WDR35: variants seen among roughly 807,000 people sequenced by gnomAD.
The protein encoded by WDR35 is WD repeat domain 35, also known as WD repeat-containing protein 35.
WDR35 carries 118 observed loss-of-function variants against 158.3 expected under a neutral mutation model. That is an observed-to-expected ratio of 0.75 (90% CI 0.64 to 0.87). The LOEUF is 0.87. Ranked by LOEUF, WDR35 falls within the 40% of genes least tolerant of loss-of-function variation. WDR35 has a pLI of 0.00. For missense variants in WDR35, 1,263 were observed against 1,405.8 expected (o/e 0.90, Z 1.62); for synonymous variants, 448 against 476.1 (o/e 0.94, Z 0.77).
At chr2:19,915,294 AAAGTG>A (rs1305120846) in intron 25 of WDR35, among the ~76,000 whole-genome samples, 3 of 152,214 alleles carry the variant, frequency 2.0e-5, no homozygotes, top group Non-Finnish European at 4.4e-5. Flanking sequence ...TATTTACAAC[AAAGTG>A]TAGTAGAAAA....
chr2:19,989,779 G>A (rs755018224), intron 1 of WDR35, among the ~76,000 whole-genome samples: 18 of 152,232 alleles, frequency 1.2e-4, no homozygotes, highest in Non-Finnish European at 1.9e-4. Context: ...GAATGGGAGA[G>A]TGCTGCGAGA....
chr2:19,986,229 C>T (rs771897263), intron 2 of WDR35, among the ~76,000 whole-genome samples: 5 of 152,088 alleles, frequency 3.3e-5, no homozygotes, highest in East Asian at 1.9e-4. Context: ...ATCAAGAGTT[C>T]GGTTTTGAAC....
chr2:19,953,792 G>C, intron 12 of WDR35, 42 bp downstream of exon 12: 6 of 1,612,702 alleles, frequency 3.7e-6, no homozygotes, highest in Non-Finnish European at 4.2e-6. Context: ...ACTTCAATGT[G>C]ATATGGTTGA....
intron 19 of WDR35, 93 bp downstream of exon 19, chr2:19,937,650 T>C: frequency 2.0e-6 from 3 of 1,509,922 alleles, no homozygotes; most frequent in East Asian, 2.3e-5. Flanking sequence ...AGGAACCATA[T>C]GATACACCTA....
chr2:19,939,199 G>A lies in WDR35; in HGVS notation c.1927-798C>T, dbSNP rs146866432. On this transcript the variant is annotated intron_variant, in intron 17 of 26. Transcript: ENST00000281405. ...AGAACTTACGTAAGGAGAAAATGTA[G>A]TAAAAAGCCTGGCTAATAGCTTTGA... 7.4e-4 allele frequency among the ~76,000 whole-genome samples: 112 copies of A among 152,216 alleles called. 1 individual carries two copies. In the East Asian group the frequency reaches 0.017, roughly 24 times the overall value.
intron 5 of WDR35, among the ~76,000 whole-genome samples, chr2:19,978,090 C>T (rs1371016116): frequency 6.6e-6 from 1 of 152,112 alleles, no homozygotes; most frequent in East Asian, 1.9e-4. Flanking sequence ...CTCTCCTGAT[C>T]TAGGTCTGGT....
chr2:19,936,249 ATGGCATTGT>A lies in WDR35; in HGVS notation c.2375_2383del (p.Asn792_Ala794del), dbSNP rs771220566. ...TTGTCGATCAGCAAAGTAGTCTCCA[ATGGCATTGT>A]TGGCTTGTTCCAGGAGACTGTCATC... On this transcript the variant is annotated inframe_deletion, in exon 20 of 27. Transcript: ENST00000281405. 9 of 1,614,010 alleles carry A rather than the reference ATGGCATTGT, an allele frequency of 5.6e-6. No homozygotes were observed. The East Asian group carries it at 2.0e-4, about 36-fold the overall frequency.
intron 11 of WDR35, among the ~76,000 whole-genome samples, chr2:19,957,755 T>C (rs993291484): frequency 1.3e-5 from 2 of 151,994 alleles, no homozygotes; most frequent in Non-Finnish European, 2.9e-5. Context: ...GTTTTGCCAT[T>C]TTGGCCAGGC....
chr2:19,918,086 T>C (rs1572306616), intron 25 of WDR35, among the ~76,000 whole-genome samples: 1 of 152,184 alleles, frequency 6.6e-6, no homozygotes, highest in Admixed American at 6.5e-5. Flanking sequence ...GGGGCCAATA[T>C]TCAACATTCT....
At chr2:19,971,103 A>G (rs1672022771) in intron 8 of WDR35, among the ~76,000 whole-genome samples, 1 of 152,250 alleles carries the variant, frequency 6.6e-6, no homozygotes, top group African/African-American at 2.4e-5. Flanking sequence ...AATGAATACA[A>G]ACACTTTTTT....
In WDR35 at chr2:19,962,316, C is replaced by A. The variant is rs762190195; in HGVS notation, c.1195-1702G>T. 4.3e-6 allele frequency: 7 copies of A among 1,613,130 alleles called. No individual in the cohort carries two copies. In the Admixed American group the frequency reaches 1.2e-4, roughly 27 times the overall value. ...TTACCGTTGCACCAAATGTCTCCAT[C>A]TCGTTCTCCTCCTTTGAAGCAATAT... On this transcript the variant is annotated intron_variant, in intron 10 of 26. Coordinates refer to ENST00000281405, the MANE Select transcript of WDR35 (RefSeq NM_020779.4).
At chr2:19,986,954 T>C (rs1339082069) in intron 2 of WDR35, among the ~76,000 whole-genome samples, 1 of 152,226 alleles carries the variant, frequency 6.6e-6, no homozygotes, top group African/African-American at 2.4e-5. Flanking sequence ...TATGCAAAGA[T>C]TTGGATACAA....
At position 19,969,330 on chromosome 2, in the gene WDR35, T is replaced by C. The variant is rs567734148; in HGVS notation, c.1008+150A>G. 4.0e-6 allele frequency: 3 copies of C among 750,082 alleles called. No individual in the cohort carries two copies. In the Admixed American group the frequency reaches 8.7e-5, roughly 22 times the overall value. 46.5% of individuals were successfully genotyped at this position (750,082 alleles called of 1,614,324 possible). A position where few individuals can be genotyped will look rare whatever the true frequency, so the allele number is the denominator to read the frequency against. ...ATTTTACTAACTATATATAGTATTC[T>C]AGAAAAGTTTACTAGTTCTAAAATC... On this transcript the variant is annotated intron_variant, in intron 9 of 26. Coordinates refer to ENST00000281405, the MANE Select transcript of WDR35 (RefSeq NM_020779.4).
intron 2 of WDR35, among the ~76,000 whole-genome samples, chr2:19,986,043 G>C (rs1672556462): frequency 6.6e-6 from 1 of 152,124 alleles, no homozygotes; most frequent in African/African-American, 2.4e-5. Context: ...AGCTATAGAG[G>C]GAGCAGGGGA....
chr2:19,925,420 T>C (rs1670327779), intron 25 of WDR35, among the ~76,000 whole-genome samples: 1 of 152,188 alleles, frequency 6.6e-6, no homozygotes, highest in Non-Finnish European at 1.5e-5. Flanking sequence ...GCAAAGCAGC[T>C]TACTGGGTAA....
intron 13 of WDR35, among the ~76,000 whole-genome samples, chr2:19,948,643 T>C (rs1226837598): frequency 6.6e-6 from 1 of 152,154 alleles, no homozygotes; most frequent in Admixed American, 6.5e-5. Context: ...TGCAACAACC[T>C]GGACAAGTCT....
chr2:19,984,764 C>G (rs984344995), intron 2 of WDR35, among the ~76,000 whole-genome samples: 1 of 152,200 alleles, frequency 6.6e-6, no homozygotes, highest in Non-Finnish European at 1.5e-5. Context: ...GCGTGACTGC[C>G]AATGCTTTTG....
intron 16 of WDR35, 136 bp downstream of exon 16, chr2:19,945,650 T>C (rs1558337163): frequency 3.2e-6 from 3 of 950,020 alleles, no homozygotes; most frequent in South Asian, 1.5e-5. Context: ...AATGTTCCTA[T>C]TTATTTTCAG....
intron 14 of WDR35, among the ~76,000 whole-genome samples, chr2:19,946,960 A>T (rs1047679044): frequency 6.6e-6 from 1 of 152,222 alleles, no homozygotes; most frequent in Non-Finnish European, 1.5e-5. Flanking sequence ...TATATGAAAA[A>T]TCAACAGAAG....
Sources: gnomAD v4.1 joint callset for allele counts (sites outside exome capture counted in the v4.1 genomes callset) on GRCh38, gnomAD v4.1.1 for gene constraint, MANE v1.5 for transcripts, NCBI Gene and HGNC (gene_info 2026-07-23, HGNC 2026-07-21) for gene names.